The following CPEB4 variants were observed in gnomAD, a reference collection of about 807,000 sequenced individuals.
CPEB4 encodes cytoplasmic polyadenylation element binding protein 4, also known as cytoplasmic polyadenylation element-binding protein 4.
A neutral mutation model predicts 72.5 loss-of-function variants in CPEB4; 12 were observed. The observed-to-expected ratio is 0.17, with a 90% CI of 0.11 to 0.27. CPEB4 has a LOEUF of 0.27. Ranked by LOEUF, CPEB4 falls within the 10% of genes least tolerant of loss-of-function variation. CPEB4 has a pLI of 1.00. For missense variants in CPEB4, 614 were observed against 908.5 expected (o/e 0.68, Z 4.17); for synonymous variants, 302 against 326.3 (o/e 0.93, Z 0.80).
At chr5:173,896,632 A>G (rs1230090717) in intron 1 of CPEB4, among the ~76,000 whole-genome samples, 5 of 152,246 alleles carry the variant, frequency 3.3e-5, no homozygotes, top group African/African-American at 1.2e-4. Context: ...GAATGTAATT[A>G]TTTACTATAT....
At chr5:173,896,757 C>T (rs1004772195) in intron 1 of CPEB4, among the ~76,000 whole-genome samples, 2 of 152,070 alleles carry the variant, frequency 1.3e-5, no homozygotes, top group Non-Finnish European at 2.9e-5. Flanking sequence ...AAGAAAATAC[C>T]GTATCAAGAA....
intron 3 of CPEB4, among the ~76,000 whole-genome samples, chr5:173,942,124 T>C (rs1239912992): frequency 6.6e-6 from 1 of 152,182 alleles, no homozygotes; most frequent in East Asian, 1.9e-4. Context: ...ACCTACCACA[T>C]AACTAGTATA....
At position 173,944,965 on chromosome 5, in the gene CPEB4, A is replaced by G; in HGVS notation, c.1283-2A>G. 1 of 1,603,842 alleles carries G rather than the reference A, an allele frequency of 6.2e-7. No homozygotes were observed. The highest frequency in any genetic ancestry group is 1.7e-5 in the Admixed American group (1 of 59,128). ...CCGTTTTTTCCCTGCTTTCTATTCC[A>G]GGTCAGTCTTCACTGTTTCCAATGG... On this transcript the variant is annotated splice_acceptor_variant, in intron 4 of 9. Transcript: ENST00000265085. LOFTEE classifies it high-confidence loss of function.
chr5:173,888,356 T>G lies in CPEB4; in HGVS notation c.-1378T>G, dbSNP rs1042748257. On this transcript the variant is annotated 5_prime_UTR_variant, in exon 1 of 10. Coordinates refer to ENST00000265085, the MANE Select transcript of CPEB4 (RefSeq NM_030627.4). The surrounding 1 kb of genome is among the most constrained non-coding windows in gnomAD (Gnocchi z 4.3). The stretch of plus-strand genomic sequence containing the variant: ...CCAGCTGGTTGTCATTTCACTCGGC[T>G]CGGTCCTGAGGAGAAGGACTCAGCC... 4.9e-6 allele frequency: 2 copies of G among 410,494 alleles called. No homozygotes were observed. The highest frequency in any genetic ancestry group is 7.1e-5 in the East Asian group (2 of 28,242). 25.4% of individuals were successfully genotyped at this position (410,494 alleles called of 1,614,324 possible).
At chr5:173,932,841 C>G (rs1026763727) in intron 3 of CPEB4, among the ~76,000 whole-genome samples, 1 of 152,022 alleles carries the variant, frequency 6.6e-6, no homozygotes, top group Non-Finnish European at 1.5e-5. Context: ...AAAAATGTTC[C>G]AAGAGGAAAG....
intron 2 of CPEB4, among the ~76,000 whole-genome samples, chr5:173,913,998 AG>A (rs1342952979): frequency 6.6e-6 from 1 of 152,270 alleles, no homozygotes; most frequent in Non-Finnish European, 1.5e-5. Flanking sequence ...TCATCAAAAA[AG>A]CCAGCTTCAG....
chr5:173,936,596 T>C (rs747654382), intron 3 of CPEB4, among the ~76,000 whole-genome samples: 12 of 152,162 alleles, frequency 7.9e-5, no homozygotes, highest in Non-Finnish European at 1.2e-4. Flanking sequence ...GAATGCCCAT[T>C]TTATGGTTAT....
chr5:173,939,733 A>G (rs1255456523), intron 3 of CPEB4, among the ~76,000 whole-genome samples: 6 of 148,246 alleles, frequency 4.0e-5, no homozygotes, highest in African/African-American at 7.5e-5. Context: ...ATAAAAATTT[A>G]TGGCCATAAT....
At chr5:173,907,199 G>A (rs1313076820) in intron 1 of CPEB4, among the ~76,000 whole-genome samples, 2 of 152,090 alleles carry the variant, frequency 1.3e-5, no homozygotes, top group Non-Finnish European at 2.9e-5. Flanking sequence ...CCCGGGAGGC[G>A]GAGGTTGCAG....
rs376192404 is a variant in CPEB4, at chr5:173,889,851, A to G, written c.118A>G (p.Ser40Gly). The change falls in exon 1 of 10, where the codon AGC becomes GGC. Residue 40 changes from serine to glycine, a missense_variant. Ser to Gly is a moderately conservative substitution (Grantham distance 56). Coordinates refer to ENST00000265085, the MANE Select transcript of CPEB4 (RefSeq NM_030627.4). ...ACACCATCACCAAAATGCCACCCCC[A>G]GCCCTGCTGCTTTTATAAATAATAA... ...PPHHHQNATP[S>G]PAAFINNNTA... 1 of 1,614,076 alleles carries G rather than the reference A, an allele frequency of 6.2e-7. No individual in the cohort carries two copies. The highest frequency in any genetic ancestry group is 8.5e-7 in the Non-Finnish European group (1 of 1,180,020).
intron 5 of CPEB4, among the ~76,000 whole-genome samples, chr5:173,947,987 C>T (rs1561631444): frequency 6.6e-6 from 1 of 152,014 alleles, no homozygotes; most frequent in African/African-American, 2.4e-5. Context: ...GCCTCCCACG[C>T]CTAAGGGACA....
intron 1 of CPEB4, 38 bp from the exon 2 acceptor site, chr5:173,910,485 T>C (rs757186137): frequency 1.4e-6 from 2 of 1,391,168 alleles, no homozygotes; most frequent in South Asian, 2.4e-5. Flanking sequence ...ATTTAAATGC[T>C]ATTTTAAAAA....
intron 1 of CPEB4, among the ~76,000 whole-genome samples, chr5:173,909,376 T>C (rs533044611): frequency 7.2e-5 from 11 of 152,284 alleles, no homozygotes; most frequent in Non-Finnish European, 1.5e-4. Context: ...ACACGTTGCA[T>C]TGGGGGCAGG....
intron 3 of CPEB4, among the ~76,000 whole-genome samples, chr5:173,933,604 C>T (rs1469768166): frequency 1.3e-5 from 2 of 152,126 alleles, no homozygotes; most frequent in Non-Finnish European, 2.9e-5. Flanking sequence ...AAAAACCAAA[C>T]CCAGTGGCGA....
At chr5:173,905,016 TAAA>T (rs201844730) in intron 1 of CPEB4, among the ~76,000 whole-genome samples, 30,279 of 78,924 alleles carry the variant, frequency 0.38, 3,827 homozygotes, top group Non-Finnish European at 0.45. Flanking sequence ...ATAATAATAA[TAAA>T]AAAATGTAAC....
At chr5:173,898,073 T>TTTGG (rs1170389535) in intron 1 of CPEB4, among the ~76,000 whole-genome samples, 4 of 152,218 alleles carry the variant, frequency 2.6e-5, no homozygotes, top group African/African-American at 9.6e-5. Flanking sequence ...TGTAGGTTAT[T>TTTGG]TTGGTTGGGC....
chr5:173,909,830 C>T (rs1246893691), intron 1 of CPEB4, among the ~76,000 whole-genome samples: 1 of 151,870 alleles, frequency 6.6e-6, no homozygotes, highest in African/African-American at 2.4e-5. Flanking sequence ...GAAACCCCAT[C>T]TCTACTAAAA....
intron 3 of CPEB4, among the ~76,000 whole-genome samples, chr5:173,937,405 A>C (rs1757667618): frequency 6.6e-6 from 1 of 152,070 alleles, no homozygotes; most frequent in South Asian, 2.1e-4. Context: ...TGGGAGGGGG[A>C]AGAAATCTAT....
At chr5:173,895,874 T>C (rs1214768823) in intron 1 of CPEB4, among the ~76,000 whole-genome samples, 2 of 152,178 alleles carry the variant, frequency 1.3e-5, no homozygotes, top group Admixed American at 1.3e-4. Context: ...AGAGAAGCCA[T>C]GGAATATGAT....
Sources: allele counts gnomAD v4.1 joint callset (sites outside exome capture counted in the v4.1 genomes callset), GRCh38; gene constraint gnomAD v4.1.1; non-coding constraint Gnocchi (gnomAD v3.1); transcripts MANE v1.5; gene names NCBI Gene and HGNC (gene_info 2026-07-23, HGNC 2026-07-21).